ASTN2: variants seen among roughly 807,000 people sequenced by gnomAD.
ASTN2 encodes astrotactin 2.
A neutral mutation model predicts 139.8 loss-of-function variants in ASTN2; 54 were observed. The ratio of observed to expected loss-of-function variants is 0.39; its 90% CI spans 0.31 to 0.48. The LOEUF (loss-of-function observed/expected upper bound fraction) is 0.48. ASTN2 is among the 20% of genes least tolerant of loss of function. The pLI is 0.95. For missense variants in ASTN2, 1,565 were observed against 1,725.1 expected, an observed-to-expected ratio of 0.91 and a Z score of 1.64; for synonymous variants, 756 against 719.5, an observed-to-expected ratio of 1.05 and a Z score of -0.81.
chr9:117,346,010 C>CAAAAAGAAAAAA (rs1829203974), intron 1 of ASTN2, among the ~76,000 whole-genome samples: 1 of 92,338 alleles, frequency 1.1e-5, no homozygotes, highest in East Asian at 3.9e-4. Context: ...AACTAAGAGG[C>CAAAAAGAAAAAA]AAAAAAAAAA....
intron 19 of ASTN2, among the ~76,000 whole-genome samples, chr9:116,599,990 C>A (rs530740329): frequency 1.3e-5 from 2 of 152,076 alleles, no homozygotes; most frequent in Non-Finnish European, 2.9e-5. Context: ...ACCTTGATGC[C>A]ACACAGAATA....
intron 13 of ASTN2, among the ~76,000 whole-genome samples, chr9:116,781,901 A>G (rs1417361795): frequency 1.3e-5 from 2 of 152,002 alleles, no homozygotes; most frequent in Non-Finnish European, 2.9e-5. Flanking sequence ...TTATATCACA[A>G]CAAGCAGAGG....
At chr9:117,368,957 G>A (rs900872392) in intron 1 of ASTN2, among the ~76,000 whole-genome samples, 3 of 152,078 alleles carry the variant, frequency 2.0e-5, no homozygotes, top group Admixed American at 1.3e-4. Flanking sequence ...CAAGTAAAAC[G>A]GGGTAAATTG....
intron 3 of ASTN2, 67 bp from the exon 4 acceptor site, chr9:117,141,545 T>C: frequency 7.7e-7 from 1 of 1,300,882 alleles, no homozygotes; most frequent in South Asian, 1.2e-5. Flanking sequence ...GCACTGGGGC[T>C]GAAGTTAGGG....
At chr9:117,044,957 A>G (rs1299949933) in intron 5 of ASTN2, among the ~76,000 whole-genome samples, 1 of 152,150 alleles carries the variant, frequency 6.6e-6, no homozygotes, top group Admixed American at 6.6e-5. Flanking sequence ...GGATCACCCA[A>G]TTTTGTATGT....
chr9:117,412,822 G>A (rs1301296806), intron 1 of ASTN2, among the ~76,000 whole-genome samples: 2 of 152,220 alleles, frequency 1.3e-5, no homozygotes, highest in African/African-American at 4.8e-5. Context: ...CCACGGGGAG[G>A]TGGCAAGAGC....
At chr9:116,632,022 G>A (rs1043065118) in intron 17 of ASTN2, among the ~76,000 whole-genome samples, 3 of 151,696 alleles carry the variant, frequency 2.0e-5, no homozygotes, top group Non-Finnish European at 2.9e-5. Flanking sequence ...GCTGAGGCAG[G>A]AGAGTCGCTT....
intron 14 of ASTN2, 102 bp downstream of exon 14, chr9:116,733,297 G>A (rs1828836740): frequency 6.7e-7 from 1 of 1,483,144 alleles, no homozygotes; most frequent in East Asian, 2.3e-5. Context: ...GAGGAGGCTT[G>A]ACAGAGCCCA....
rs370106082 is a variant in ASTN2 at position 116,985,636 on chromosome 9, C to T, written c.1592-8851G>A. On this transcript the variant is annotated intron_variant, in intron 7 of 22. Transcript: ENST00000313400. Reference sequence around the variant, plus strand: ...GAAAAGCATGTGGCAAAGAGCTTCCCGCAAAATCATGGCTGATTAAGTATG... The same window carrying T: ...GAAAAGCATGTGGCAAAGAGCTTCCTGCAAAATCATGGCTGATTAAGTATG... 3.3e-5 allele frequency among the ~76,000 whole-genome samples: 5 copies of T among 152,292 alleles called. No individual in the cohort carries two copies. In the East Asian group the frequency reaches 5.8e-4, roughly 18 times the overall value.
At chr9:117,077,049 T>C (rs16934284) in intron 5 of ASTN2, among the ~76,000 whole-genome samples, 24,993 of 152,056 alleles carry the variant, frequency 0.16, 2,607 homozygotes, top group East Asian at 0.28. Flanking sequence ...GCCCGGCTGT[T>C]GCCCTCTGCA....
intron 13 of ASTN2, among the ~76,000 whole-genome samples, chr9:116,804,359 C>T (rs1283115352): frequency 6.6e-6 from 1 of 151,980 alleles, no homozygotes; most frequent in Non-Finnish European, 1.5e-5. Context: ...GGTCATAGTG[C>T]CTCCAGTGAT....
At chr9:117,286,009 A>G (rs1834440796) in intron 2 of ASTN2, among the ~76,000 whole-genome samples, 1 of 152,226 alleles carries the variant, frequency 6.6e-6, no homozygotes, top group Non-Finnish European at 1.5e-5. Flanking sequence ...TTGGTCTCAA[A>G]CAGTTTCTAT....
intron 12 of ASTN2, among the ~76,000 whole-genome samples, chr9:116,819,719 T>C (rs1831431002): frequency 6.6e-6 from 1 of 152,198 alleles, no homozygotes; most frequent in Non-Finnish European, 1.5e-5. Context: ...AGTCACAGAA[T>C]GTCAAAAGAT....
intron 1 of ASTN2, among the ~76,000 whole-genome samples, chr9:117,322,185 T>G (rs953959775): frequency 2.6e-5 from 4 of 151,870 alleles, no homozygotes; most frequent in Non-Finnish European, 5.9e-5. Context: ...AGACCCCTCC[T>G]CTGTTTGACA....
rs138192806 is a variant in ASTN2 at position 116,754,943 on chromosome 9, T to C, written c.2397-21420A>G. On this transcript the variant is annotated intron_variant, in intron 13 of 22. Transcript: ENST00000313400. The stretch of plus-strand genomic sequence containing the variant: ...AGGCCCACACCTTCTGATCTAGAAA[T>C]AGCATGTCAGAGTAGAACCTGGACA... Among the ~76,000 whole-genome samples the C allele has an allele frequency of 6.3e-3, 954 of 152,226 alleles. 15 individuals are homozygous for C. The highest frequency in any genetic ancestry group is 0.022 in the African/African-American group (918 of 41,542).
At chr9:116,435,173 G>A (rs1181859321) in intron 22 of ASTN2, among the ~76,000 whole-genome samples, 1 of 152,168 alleles carries the variant, frequency 6.6e-6, no homozygotes, top group African/African-American at 2.4e-5. Flanking sequence ...AGCTGGAAGA[G>A]ACTTTGGAGT....
chr9:116,685,726 T>C (rs1264198188), intron 16 of ASTN2, among the ~76,000 whole-genome samples: 1 of 152,084 alleles, frequency 6.6e-6, no homozygotes, highest in Admixed American at 6.6e-5. Context: ...ATTTAACTGG[T>C]AATAAACATT....
At chr9:117,132,841 C>A (rs1425215345) in intron 4 of ASTN2, among the ~76,000 whole-genome samples, 1 of 152,116 alleles carries the variant, frequency 6.6e-6, no homozygotes, top group Non-Finnish European at 1.5e-5. Context: ...TTTGAAGATG[C>A]CAGGGTGCCG....
At chr9:116,452,436 C>G (rs1248412415) in intron 20 of ASTN2, among the ~76,000 whole-genome samples, 1 of 152,152 alleles carries the variant, frequency 6.6e-6, no homozygotes. Flanking sequence ...ACCTCAGTGG[C>G]CTGTCAATAA....
Sources: allele counts gnomAD v4.1 joint callset (sites outside exome capture counted in the v4.1 genomes callset), GRCh38; gene constraint gnomAD v4.1.1; transcripts MANE v1.5; gene names NCBI Gene and HGNC (gene_info 2026-07-23, HGNC 2026-07-21).